The following MTNR1A variants were observed in gnomAD, a reference collection of about 807,000 sequenced individuals.
MTNR1A encodes the protein melatonin receptor 1A.
In MTNR1A, 7 loss-of-function variants were observed where a neutral mutation model predicts 5.5. The ratio of observed to expected loss-of-function variants is 1.28; its 90% confidence interval spans 0.73 to 2.40. The LOEUF is 2.40. Among genes scored for constraint, MTNR1A ranks in the 30% most tolerant of loss-of-function variants. The pLI is 0.00. For synonymous variants in MTNR1A, 196 were observed against 202.7 expected (o/e 0.97, Z 0.28); for missense variants, 441 against 464.4 (o/e 0.95, Z 0.46).
intron 1 of MTNR1A, among the ~76,000 whole-genome samples, chr4:186,538,599 C>CGGA (rs1736931751): frequency 6.6e-5 from 10 of 152,160 alleles, no homozygotes; most frequent in Non-Finnish European, 5.9e-5. Context: ...CCCTGCGTCC[C>CGGA]CTCCTAACAT....
In MTNR1A at chr4:186,555,348, G is replaced by A. The variant is rs779338081; in HGVS notation, c.18C>T (p.Ser6=). Residue 6 remains serine (S), a synonymous_variant, in exon 1 of 2, where the codon AGC becomes AGT. Coordinates refer to ENST00000307161, the MANE Select transcript of MTNR1A (RefSeq NM_005958.4). The surrounding 1 kb of genome is among the most constrained non-coding windows in gnomAD (Gnocchi z 4.1). The part of the protein sequence containing the change: MQGNG[S]ALPNASQPVL... ...CGGGCTGGGAGGCGTTGGGCAGCGC[G>A]CTGCCGTTGCCCTGCATGGTCCCTG... is the stretch of plus-strand genomic sequence containing the variant. 1.3e-4 allele frequency: 200 copies of A among 1,540,290 alleles called. 2 individuals carry two copies. Among genetic ancestry groups the A allele is most frequent in the Non-Finnish European group, 1.6e-4 (179 of 1,142,612 alleles).
At chr4:186,535,180 G>T (rs1407060668) in intron 1 of MTNR1A, among the ~76,000 whole-genome samples, 1 of 152,080 alleles carries the variant, frequency 6.6e-6, no homozygotes, top group Non-Finnish European at 1.5e-5. Flanking sequence ...TTAGGGCTGT[G>T]GTGAGCACGA....
chr4:186,533,840 T>A lies in MTNR1A; in HGVS notation c.902A>T (p.Asn301Ile), dbSNP rs1277640150. Residue 301 changes from asparagine (N) to isoleucine (I), a missense_variant, in exon 2 of 2, where the codon AAT (asparagine) becomes ATT (isoleucine). Physicochemically the swap from Asn to Ile is moderately radical, Grantham distance 149 (BLOSUM62 -3). Coordinates refer to ENST00000307161, the MANE Select transcript of MTNR1A (RefSeq NM_005958.4). ...NAIIYGLLNQ[N>I]FRKEYRRIIV... ...AATTCTCCTGTATTCCTTCCTGAAA[T>A]TTTGGTTCAGTAGCCCGTATATAAT... 3.1e-6 allele frequency: 5 copies of A among 1,614,074 alleles called. No homozygotes were observed. Among genetic ancestry groups the A allele is most frequent in the Non-Finnish European group, 2.5e-6 (3 of 1,180,046 alleles).
rs538090504 is a variant in MTNR1A at position 186,534,289 on chromosome 4, T to C, written c.453A>G (p.Ile151Met). The change falls in exon 2 of 2, where the codon ATA (isoleucine) becomes ATG (methionine). Residue 151 changes from isoleucine to methionine, a missense_variant. Transcript: ENST00000307161. ...GGACGGCCGCCAGCGTCAGGAGCCA[T>C]ATGAGGAGCACGTAGCAGAGGGAGT... ...SKNSLCYVLL[I>M]WLLTLAAVLP... The C allele has an allele frequency of 6.2e-7, 1 of 1,614,056 alleles. No individual in the cohort carries two copies. The highest frequency in any genetic ancestry group is 1.1e-5 in the South Asian group (1 of 91,066).
At chr4:186,548,653 G>C (rs1030291551) in intron 1 of MTNR1A, among the ~76,000 whole-genome samples, 1 of 151,426 alleles carries the variant, frequency 6.6e-6, no homozygotes, top group Non-Finnish European at 1.5e-5. Flanking sequence ...AGCAAATTAG[G>C]TCACTTGCCC....
At chr4:186,546,460 T>A (rs1260664973) in intron 1 of MTNR1A, among the ~76,000 whole-genome samples, 1 of 152,028 alleles carries the variant, frequency 6.6e-6, no homozygotes, top group African/African-American at 2.4e-5. Flanking sequence ...AGTGACATAC[T>A]TGGTGACTCC....
Position 186,534,272 on chromosome 4 carries a change from G to A in MTNR1A, c.470C>T (p.Ala157Val), listed in dbSNP as rs1800884. 1,396 of 1,614,142 alleles carry A rather than the reference G, an allele frequency of 8.6e-4. 19 individuals carry two copies. In the East Asian group the frequency reaches 0.025, roughly 28 times the overall value. ...TGCACGGAGGTTGGGCAGGACGGCC[G>A]CCAGCGTCAGGAGCCATATGAGGAG... ...YVLLIWLLTL[A>V]AVLPNLRAGT... Residue 157 changes from alanine (A) to valine (V), a missense_variant, in exon 2 of 2, where the codon GCG becomes GTG. Transcript: ENST00000307161.
At chr4:186,546,369 C>G (rs556771202) in intron 1 of MTNR1A, among the ~76,000 whole-genome samples, 1 of 151,976 alleles carries the variant, frequency 6.6e-6, no homozygotes, top group Non-Finnish European at 1.5e-5. Context: ...CTCCCCTCCC[C>G]CTTCCACACA....
chr4:186,547,582 A>G (rs1737181348), intron 1 of MTNR1A, among the ~76,000 whole-genome samples: 1 of 152,100 alleles, frequency 6.6e-6, no homozygotes, highest in Non-Finnish European at 1.5e-5. Flanking sequence ...TGCCTCCTGG[A>G]TTCCACGTGT....
intron 1 of MTNR1A, among the ~76,000 whole-genome samples, chr4:186,553,678 A>AT (rs929514609): frequency 1.3e-5 from 2 of 151,998 alleles, no homozygotes; most frequent in African/African-American, 2.4e-5. Context: ...CATCCAGCTA[A>AT]TTTTTTGTAT....
intron 1 of MTNR1A, among the ~76,000 whole-genome samples, chr4:186,554,176 T>TTG (rs1372797129): frequency 6.8e-6 from 1 of 147,274 alleles, no homozygotes; most frequent in East Asian, 2.1e-4. Flanking sequence ...CAATTCATAT[T>TTG]ACTAAGTGCT....
chr4:186,547,316 CA>C (rs1737173732), intron 1 of MTNR1A, among the ~76,000 whole-genome samples: 1 of 144,694 alleles, frequency 6.9e-6, no homozygotes, highest in Non-Finnish European at 1.5e-5. Flanking sequence ...CCGTCCACAC[CA>C]CACCCTGTTC....
intron 1 of MTNR1A, among the ~76,000 whole-genome samples, chr4:186,541,791 T>C (rs1737030360): frequency 6.6e-6 from 1 of 152,160 alleles, no homozygotes; most frequent in African/African-American, 2.4e-5. Flanking sequence ...TCCCCCACCC[T>C]GTCCTGTGGA....
intron 1 of MTNR1A, among the ~76,000 whole-genome samples, chr4:186,538,373 C>G (rs560148764): frequency 6.6e-6 from 1 of 152,332 alleles, no homozygotes; most frequent in South Asian, 2.1e-4. Context: ...ATTTTGAAGG[C>G]GGAAGTGCAG....
intron 1 of MTNR1A, among the ~76,000 whole-genome samples, chr4:186,536,914 A>C (rs1449662568): frequency 6.6e-6 from 1 of 152,248 alleles, no homozygotes; most frequent in Admixed American, 6.5e-5. Context: ...ATAATATGTG[A>C]AATTCTGTTC....
intron 1 of MTNR1A, among the ~76,000 whole-genome samples, chr4:186,542,885 C>T (rs1737057497): frequency 6.6e-6 from 1 of 152,030 alleles, no homozygotes; most frequent in African/African-American, 2.4e-5. Context: ...TCACTTGAGC[C>T]CAGGGGTTCA....
intron 1 of MTNR1A, among the ~76,000 whole-genome samples, chr4:186,540,175 C>T (rs1015551960): frequency 6.6e-6 from 1 of 152,142 alleles, no homozygotes; most frequent in East Asian, 1.9e-4. Flanking sequence ...GAAAGACCTG[C>T]CCCTGTGATT....
intron 1 of MTNR1A, among the ~76,000 whole-genome samples, chr4:186,539,752 T>C (rs548929618): frequency 6.6e-6 from 1 of 152,340 alleles, no homozygotes; most frequent in South Asian, 2.1e-4. Flanking sequence ...TCCAGAACTG[T>C]GAGAAACACA....
chr4:186,538,230 C>T (rs1317787209), intron 1 of MTNR1A, among the ~76,000 whole-genome samples: 1 of 152,232 alleles, frequency 6.6e-6, no homozygotes, highest in Admixed American at 6.5e-5. Flanking sequence ...CTTCTCCCTC[C>T]ACCTTGAACA....
Sources: gnomAD v4.1 joint callset for allele counts (sites outside exome capture counted in the v4.1 genomes callset) on GRCh38, gnomAD v4.1.1 for gene constraint, Gnocchi (gnomAD v3.1) non-coding constraint, MANE v1.5 for transcripts, NCBI Gene and HGNC (gene_info 2026-07-23, HGNC 2026-07-21) for gene names.